Variants in NRXN3 observed in about 807,000 individuals in gnomAD.
NRXN3 encodes the protein neurexin 3.
In NRXN3, 32 loss-of-function variants were observed where a neutral mutation model predicts 137.6. The ratio of observed to expected loss-of-function variants is 0.23; its 90% CI spans 0.18 to 0.31. NRXN3 has a LOEUF of 0.31. Ranked by LOEUF, NRXN3 falls within the 10% of genes least tolerant of loss-of-function variation. The probability of loss-of-function intolerance (pLI) is 1.00; values close to 1 mark genes in which losing one functional copy is unlikely to be tolerated. For missense variants in NRXN3, 1,574 were observed against 2,062.5 expected, an observed-to-expected ratio of 0.76 and a Z score of 4.59; for synonymous variants, 798 against 784.5, an observed-to-expected ratio of 1.02 and a Z score of -0.29.
At chr14:78,892,669 A>G (rs2099162441) in intron 10 of NRXN3, among the ~76,000 whole-genome samples, 1 of 150,758 alleles carries the variant, frequency 6.6e-6, no homozygotes, top group Admixed American at 6.6e-5. Context: ...CACCATTAAG[A>G]ATTATCTATA....
At chr14:78,431,020 T>A (rs780838632) in intron 4 of NRXN3, among the ~76,000 whole-genome samples, 4 of 152,282 alleles carry the variant, frequency 2.6e-5, no homozygotes, top group Admixed American at 6.5e-5. Flanking sequence ...TCTTAAAAAA[T>A]TTTTCTATTT....
chr14:79,678,625 A>G (rs1567864492), intron 17 of NRXN3, among the ~76,000 whole-genome samples: 1 of 152,164 alleles, frequency 6.6e-6, no homozygotes, highest in Non-Finnish European at 1.5e-5. Flanking sequence ...TTTAAAGGCC[A>G]CCATCCCTGA....
rs140761421 is a variant in NRXN3, at chr14:79,435,473, C to T, written c.3263-31748C>T. Among the ~76,000 whole-genome samples, 35 of 152,142 alleles carry T rather than the reference C, an allele frequency of 2.3e-4. No individual in the cohort carries two copies. In the East Asian group the frequency reaches 6.8e-3, roughly 29 times the overall value. On this transcript the variant is annotated intron_variant, in intron 15 of 20. Coordinates refer to ENST00000335750, the MANE Select transcript of NRXN3 (RefSeq NM_001330195.2). ...GAATCTCACTGGAAAAGTCAAGAAT[C>T]AGAGCTGGTTTCAAAAAAACTCAAC...
At chr14:78,618,071 T>C (rs986924647) in intron 4 of NRXN3, among the ~76,000 whole-genome samples, 1 of 151,968 alleles carries the variant, frequency 6.6e-6, no homozygotes. Flanking sequence ...CTGTCTACTG[T>C]TTTACAGTTA....
chr14:79,560,507 T>TTTTTTTTTTC (rs2097483645), intron 16 of NRXN3, among the ~76,000 whole-genome samples: 1 of 95,120 alleles, frequency 1.1e-5, no homozygotes, highest in Non-Finnish European at 2.2e-5. Flanking sequence ...TTGTAAGCTT[T>TTTTTTTTTTC]TTTTTTTTTT....
chr14:79,754,979 T>C (rs1250320179), intron 19 of NRXN3, among the ~76,000 whole-genome samples: 1 of 152,068 alleles, frequency 6.6e-6, no homozygotes, highest in East Asian at 1.9e-4. Flanking sequence ...CCTGAGGCCT[T>C]CCCAGCCATG....
intron 16 of NRXN3, among the ~76,000 whole-genome samples, chr14:79,613,940 T>A (rs1470066411): frequency 6.6e-6 from 1 of 152,276 alleles, no homozygotes; most frequent in African/African-American, 2.4e-5. Context: ...AATCACTTTT[T>A]TCTTCCAATA....
rs142267011 is a variant in NRXN3, at chr14:79,729,265, G to T, written c.4014+31328G>T. On this transcript the variant is annotated intron_variant, in intron 19 of 20. Transcript: ENST00000335750. The stretch of plus-strand genomic sequence containing the variant: ...GGAAAATCAAGAAGTTAGTGATCTA[G>T]GGCTAATGGGGATATTGTGTTACTC... 1.6e-3 allele frequency among the ~76,000 whole-genome samples: 243 copies of T among 152,234 alleles called. 1 individual carries two copies. Among genetic ancestry groups the T allele is most frequent in the African/African-American group, 5.6e-3 (232 of 41,560 alleles).
At chr14:78,509,243 G>T (rs779817908) in intron 4 of NRXN3, among the ~76,000 whole-genome samples, 2 of 152,152 alleles carry the variant, frequency 1.3e-5, no homozygotes, top group Non-Finnish European at 2.9e-5. Context: ...AGGTTACAGT[G>T]AGCCAAGATC....
chr14:78,406,778 G>C (rs1217351497), intron 4 of NRXN3, among the ~76,000 whole-genome samples: 1 of 152,172 alleles, frequency 6.6e-6, no homozygotes, highest in Admixed American at 6.5e-5. Flanking sequence ...CGTCCTCCTA[G>C]ACCTCAGAGG....
intron 15 of NRXN3, among the ~76,000 whole-genome samples, chr14:79,321,874 T>C (rs1403872430): frequency 6.7e-6 from 1 of 149,144 alleles, no homozygotes; most frequent in Non-Finnish European, 1.5e-5. Context: ...TATATAAATA[T>C]AACTATATAT....
At chr14:79,457,303 T>C (rs1470565403) in intron 15 of NRXN3, among the ~76,000 whole-genome samples, 1 of 152,134 alleles carries the variant, frequency 6.6e-6, no homozygotes, top group Admixed American at 6.5e-5. Flanking sequence ...ACAAATAAAC[T>C]TGAGGCAGAT....
chr14:79,586,812 C>A (rs556086723), intron 16 of NRXN3, among the ~76,000 whole-genome samples: 99 of 152,238 alleles, frequency 6.5e-4, no homozygotes, highest in African/African-American at 2.3e-3. Flanking sequence ...TTCATTCATT[C>A]CTACTTTCTT....
intron 8 of NRXN3, among the ~76,000 whole-genome samples, chr14:78,728,310 G>A (rs1483375455): frequency 6.6e-6 from 1 of 152,094 alleles, no homozygotes; most frequent in Non-Finnish European, 1.5e-5. Context: ...GCAACTTATG[G>A]TCTGGAAAAT....
chr14:79,105,013 C>A (rs1270705090), intron 15 of NRXN3, among the ~76,000 whole-genome samples: 2 of 152,070 alleles, frequency 1.3e-5, no homozygotes, highest in Non-Finnish European at 2.9e-5. Flanking sequence ...CTCCTTTGGC[C>A]AGAATACACT....
At chr14:79,553,117 CCTT>C (rs971502305) in intron 16 of NRXN3, among the ~76,000 whole-genome samples, 39 of 152,202 alleles carry the variant, frequency 2.6e-4, no homozygotes, top group African/African-American at 9.1e-4. Context: ...GGCCTTTCAA[CCTT>C]CTTTGTTCAA....
chr14:78,717,560 T>C lies in NRXN3; in HGVS notation c.2044+2421T>C, dbSNP rs147077455. Among the ~76,000 whole-genome samples, 390 of 151,054 alleles carry C rather than the reference T, an allele frequency of 2.6e-3. 2 individuals carry two copies. Among genetic ancestry groups the C allele is most frequent in the African/African-American group, 9.3e-3 (377 of 40,566 alleles). ...ATGAATCAGTGGAGTGTAAAAATTA[T>C]AGGACTCTTCTCTGCTAGCAAAGAA... is the stretch of plus-strand genomic sequence containing the variant. On this transcript the variant is annotated intron_variant, in intron 8 of 20. Coordinates refer to ENST00000335750, the MANE Select transcript of NRXN3 (RefSeq NM_001330195.2).
At chr14:79,099,530 G>A (rs1200610561) in intron 15 of NRXN3, among the ~76,000 whole-genome samples, 1 of 152,128 alleles carries the variant, frequency 6.6e-6, no homozygotes, top group South Asian at 2.1e-4. Flanking sequence ...TTTTTAAAAT[G>A]TTATGGGGAA....
intron 8 of NRXN3, chr14:78,744,613 G>T (rs1431619953): frequency 6.6e-6 from 1 of 152,210 alleles, no homozygotes; most frequent in African/African-American, 2.4e-5. Flanking sequence ...TGAGGAGGTT[G>T]TGACTTTTCT....
Sources: allele counts gnomAD v4.1 joint callset (sites outside exome capture counted in the v4.1 genomes callset), GRCh38; gene constraint gnomAD v4.1.1; transcripts MANE v1.5; gene names NCBI Gene and HGNC (gene_info 2026-07-23, HGNC 2026-07-21).